UHRF2: variants seen among roughly 807,000 people sequenced by gnomAD.
UHRF2 encodes the protein E3 ubiquitin-protein ligase UHRF2.
In UHRF2, 23 loss-of-function variants were observed where a neutral mutation model predicts 96.8. The observed-to-expected ratio is 0.24, with a 90% confidence interval of 0.17 to 0.34. The LOEUF is 0.34. Ranked by LOEUF, UHRF2 falls within the 10% of genes least tolerant of loss-of-function variation. UHRF2 has a pLI of 1.00. For synonymous variants in UHRF2, 385 were observed against 332.6 expected, an observed-to-expected ratio of 1.16 and a Z score of -1.72; for missense variants, 685 against 981.5, an observed-to-expected ratio of 0.70 and a Z score of 4.04.
intron 11 of UHRF2, among the ~76,000 whole-genome samples, chr9:6,497,649 T>A (rs1347085349): frequency 6.6e-6 from 1 of 152,198 alleles, no homozygotes; most frequent in Non-Finnish European, 1.5e-5. Context: ...TTGTATAACT[T>A]GATTTTTATA....
At chr9:6,459,488 G>A (rs1039506760) in intron 3 of UHRF2, among the ~76,000 whole-genome samples, 1 of 152,146 alleles carries the variant, frequency 6.6e-6, no homozygotes, top group Non-Finnish European at 1.5e-5. Context: ...GGCCAACATG[G>A]CAAAACCCCG....
intron 2 of UHRF2, among the ~76,000 whole-genome samples, chr9:6,429,168 A>G (rs527781774): frequency 3.5e-5 from 5 of 143,900 alleles, no homozygotes; most frequent in Middle Eastern, 3.6e-3. Context: ...CTGTCTCAGG[A>G]AAAAAAAAAA....
At chr9:6,467,713 C>G (rs1181275860) in intron 4 of UHRF2, among the ~76,000 whole-genome samples, 1 of 145,084 alleles carries the variant, frequency 6.9e-6, no homozygotes, top group Non-Finnish European at 1.5e-5. Context: ...TGCTTGTTTA[C>G]TAGTCACTTG....
intron 3 of UHRF2, among the ~76,000 whole-genome samples, chr9:6,445,970 C>CA (rs1554624490): frequency 4.4e-5 from 6 of 137,658 alleles, no homozygotes; most frequent in Non-Finnish European, 7.6e-5. Context: ...TACTCTTCCC[C>CA]CCCCGCCACC....
chr9:6,477,675 C>T lies in UHRF2; in HGVS notation c.1027C>T (p.His343Tyr). 1 of 1,614,044 alleles carries T rather than the reference C, an allele frequency of 6.2e-7. No individual in the cohort carries two copies. The highest frequency in any genetic ancestry group is 8.5e-7 in the Non-Finnish European group (1 of 1,179,966). ...TGGTGGAGACCCAGAAAAGAAATGT[C>T]ATTCTTGCTCCTGTCGTGTATGTGG... The part of the protein sequence containing the change: ...LCGGDPEKKC[H>Y]SCSCRVCGGK... The change falls in exon 6 of 16, where the codon CAT becomes TAT. Residue 343 changes from histidine to tyrosine, a missense_variant. Transcript: ENST00000276893.
At position 6,504,652 on chromosome 9, in the gene UHRF2, C is replaced by G; in HGVS notation, c.2223C>G (p.Tyr741Ter). The change falls in exon 15 of 16, where the codon TAC becomes TAG. Residue 741 changes from tyrosine to a stop codon, truncating the protein, a stop_gained. Transcript: ENST00000276893. LOFTEE classifies it high-confidence loss of function. The stretch of plus-strand genomic sequence containing the variant: ...GCGTTTGCTGTCAGGAGCTAGTTTA[C>G]CAGCCTGTGACAACTGAGTGCTTCC... ...FMCVCCQELVYQPVTTECFHN... is the reference protein window; with the variant it reads ...FMCVCCQELV 6.2e-7 allele frequency: 1 copy of G among 1,613,760 alleles called. No individual in the cohort carries two copies. Among genetic ancestry groups the G allele is most frequent in the Non-Finnish European group, 8.5e-7 (1 of 1,179,810 alleles).
At chr9:6,481,318 T>A (rs1823914727) in intron 6 of UHRF2, among the ~76,000 whole-genome samples, 1 of 152,210 alleles carries the variant, frequency 6.6e-6, no homozygotes, top group Non-Finnish European at 1.5e-5. Context: ...TACTTTTGTT[T>A]TAATGACAGG....
At chr9:6,440,976 A>G (rs1254151075) in intron 3 of UHRF2, among the ~76,000 whole-genome samples, 1 of 152,172 alleles carries the variant, frequency 6.6e-6, no homozygotes, top group Admixed American at 6.5e-5. Context: ...CCCTGTGATA[A>G]TAATTCCCTA....
At chr9:6,474,471 C>G (rs1437155846) in intron 4 of UHRF2, among the ~76,000 whole-genome samples, 2 of 152,026 alleles carry the variant, frequency 1.3e-5, no homozygotes, top group Non-Finnish European at 2.9e-5. Flanking sequence ...TTTGGGAGGC[C>G]GAGGCGGGCA....
rs10121129 is a variant in UHRF2, at chr9:6,444,906, A to T, written c.644+10733A>T. On this transcript the variant is annotated intron_variant, in intron 3 of 15. Coordinates refer to ENST00000276893, the MANE Select transcript of UHRF2 (RefSeq NM_152896.3). ...CATGAGCCACCAAGTCCAGCCTAGG[A>T]ATCTGCTTTTCAAAGAGGTACCACG... 5.6e-3 allele frequency among the ~76,000 whole-genome samples: 846 copies of T among 151,984 alleles called. 4 individuals carry two copies. Among genetic ancestry groups the T allele is most frequent in the African/African-American group, 0.018 (759 of 41,456 alleles).
At chr9:6,481,792 C>G in intron 7 of UHRF2, 26 bp downstream of exon 7, 2 of 1,598,732 alleles carry the variant, frequency 1.3e-6, no homozygotes, top group Non-Finnish European at 1.7e-6. Context: ...CCCTTTTCTT[C>G]CTAATAGCAA....
intron 4 of UHRF2, among the ~76,000 whole-genome samples, chr9:6,467,205 G>C (rs965669521): frequency 3.3e-5 from 5 of 152,132 alleles, no homozygotes; most frequent in African/African-American, 9.7e-5. Flanking sequence ...CCATGTTTCA[G>C]ACGCCTCCCA....
chr9:6,447,728 C>G (rs1821603635), intron 3 of UHRF2, among the ~76,000 whole-genome samples: 1 of 151,924 alleles, frequency 6.6e-6, no homozygotes, highest in African/African-American at 2.4e-5. Context: ...GCACAGAAAT[C>G]AAAACACAAG....
chr9:6,483,540 T>C (rs1176148234), intron 8 of UHRF2, among the ~76,000 whole-genome samples: 1 of 152,192 alleles, frequency 6.6e-6, no homozygotes. Context: ...GCCGTCTGTT[T>C]ATTTTTCCCA....
At chr9:6,481,586 T>C (rs1823929749) in intron 6 of UHRF2, 57 bp from the exon 7 acceptor site, 1 of 1,580,118 alleles carries the variant, frequency 6.3e-7, no homozygotes, top group African/African-American at 1.4e-5. Context: ...TAATATTCTG[T>C]TACTAGCTTT....
rs761896941 is a variant in UHRF2 at position 6,477,821 on chromosome 9, G to A, written c.1160+13G>A. On this transcript the variant is annotated intron_variant, in intron 6 of 15. Coordinates refer to ENST00000276893, the MANE Select transcript of UHRF2 (RefSeq NM_152896.3). The stretch of plus-strand genomic sequence containing the variant: ...AAGAGGAATACTGGTATGATTATCA[G>A]GTTTTTGTTGTTGTTGTTCTTGCTG... 5 of 1,566,868 alleles carry A rather than the reference G, an allele frequency of 3.2e-6. No individual in the cohort carries two copies. In the South Asian group the frequency reaches 3.5e-5, roughly 11 times the overall value.
chr9:6,462,990 A>C (rs138440863), intron 4 of UHRF2, among the ~76,000 whole-genome samples: 27 of 152,002 alleles, frequency 1.8e-4, no homozygotes, highest in African/African-American at 6.0e-4. Context: ...AGTGGAACTG[A>C]GACTGAGTGG....
At chr9:6,426,310 C>A (rs1243106362) in intron 2 of UHRF2, among the ~76,000 whole-genome samples, 3 of 152,218 alleles carry the variant, frequency 2.0e-5, no homozygotes, top group Non-Finnish European at 4.4e-5. Flanking sequence ...AAGACTTGAG[C>A]TTTGCCAGGA....
intron 4 of UHRF2, among the ~76,000 whole-genome samples, chr9:6,464,198 G>T (rs1760339392): frequency 6.6e-6 from 1 of 152,148 alleles, no homozygotes; most frequent in Admixed American, 6.5e-5. Flanking sequence ...TAGTGGGGTT[G>T]AGAATCTTTT....
Sources: allele counts gnomAD v4.1 joint callset (sites outside exome capture counted in the v4.1 genomes callset), GRCh38; gene constraint gnomAD v4.1.1; transcripts MANE v1.5; gene names NCBI Gene and HGNC (gene_info 2026-07-23, HGNC 2026-07-21).